Variants in CEP126 observed in about 807,000 individuals in gnomAD.
CEP126 encodes the protein centrosomal protein 126, also known as centrosomal protein of 126 kDa.
In CEP126, 74 loss-of-function variants were observed where a neutral mutation model predicts 107.8. The ratio of observed to expected loss-of-function variants is 0.69; its 90% CI spans 0.57 to 0.83. CEP126 has a LOEUF of 0.83. Ranked by LOEUF, CEP126 falls within the 40% of genes least tolerant of loss-of-function variation. The pLI is 0.00. For synonymous variants in CEP126, 449 were observed against 446.0 expected, an observed-to-expected ratio of 1.01 and a Z score of -0.08; for missense variants, 1,237 against 1,281.9, an observed-to-expected ratio of 0.96 and a Z score of 0.53.
chr11:101,946,047 T>G (rs962727093), intron 3 of CEP126, among the ~76,000 whole-genome samples: 1 of 152,146 alleles, frequency 6.6e-6, no homozygotes, highest in African/African-American at 2.4e-5. Flanking sequence ...AGGATACTAT[T>G]TAAATAATTA....
chr11:101,995,218 G>A (rs1338599038), intron 10 of CEP126, among the ~76,000 whole-genome samples: 2 of 152,024 alleles, frequency 1.3e-5, no homozygotes, highest in African/African-American at 2.4e-5. Context: ...TCAAACTTTA[G>A]TGTACTTTGT....
At chr11:101,979,976 G>C (rs1448948698) in intron 7 of CEP126, among the ~76,000 whole-genome samples, 1 of 152,010 alleles carries the variant, frequency 6.6e-6, no homozygotes, top group Non-Finnish European at 1.5e-5. Flanking sequence ...AATGCCTTAT[G>C]AAGAATTTAT....
At chr11:101,920,096 T>G (rs1311535582) in intron 1 of CEP126, among the ~76,000 whole-genome samples, 1 of 152,206 alleles carries the variant, frequency 6.6e-6, no homozygotes, top group African/African-American at 2.4e-5. Flanking sequence ...GTTTGGGTCT[T>G]TGTCTTGAAG....
intron 2 of CEP126, among the ~76,000 whole-genome samples, chr11:101,928,438 T>C (rs1345631317): frequency 2.0e-5 from 3 of 152,232 alleles, no homozygotes; most frequent in Non-Finnish European, 4.4e-5. Flanking sequence ...ACTCTTTGCG[T>C]AGCCCTAGGT....
intron 2 of CEP126, among the ~76,000 whole-genome samples, chr11:101,934,443 T>TAGTA (rs1270929483): frequency 1.3e-5 from 2 of 152,054 alleles, no homozygotes; most frequent in Non-Finnish European, 2.9e-5. Flanking sequence ...CCACTTCCTC[T>TAGTA]AGTACCCTGA....
chr11:101,966,750 A>T (rs1941061307), intron 6 of CEP126, among the ~76,000 whole-genome samples: 2 of 152,124 alleles, frequency 1.3e-5, no homozygotes, highest in Non-Finnish European at 2.9e-5. Flanking sequence ...CCTCATCAAC[A>T]TTCATAACTC....
At chr11:101,950,743 A>G (rs1940800959) in intron 4 of CEP126, among the ~76,000 whole-genome samples, 1 of 152,222 alleles carries the variant, frequency 6.6e-6, no homozygotes, top group South Asian at 2.1e-4. Flanking sequence ...GAACTTATTC[A>G]GAGTGTCGGG....
chr11:101,931,453 A>G (rs934848886), intron 2 of CEP126, among the ~76,000 whole-genome samples: 3 of 152,190 alleles, frequency 2.0e-5, no homozygotes. Flanking sequence ...ACAGGCAATG[A>G]AAACTCACAG....
At chr11:101,947,480 A>G (rs1940753169) in intron 3 of CEP126, among the ~76,000 whole-genome samples, 1 of 152,116 alleles carries the variant, frequency 6.6e-6, no homozygotes, top group Non-Finnish European at 1.5e-5. Context: ...GGGTTATATT[A>G]AAGGTTGTGC....
At chr11:101,990,398 G>A (rs1265878743) in intron 9 of CEP126, among the ~76,000 whole-genome samples, 2 of 152,170 alleles carry the variant, frequency 1.3e-5, no homozygotes, top group Non-Finnish European at 2.9e-5. Context: ...TGCTCTCAAG[G>A]CACAGGTGAA....
chr11:101,962,484 A>G lies in CEP126; in HGVS notation c.1449A>G (p.Lys483=). 1 of 1,613,182 alleles carries G rather than the reference A, an allele frequency of 6.2e-7. No homozygotes were observed. The highest frequency in any genetic ancestry group is 1.1e-5 in the South Asian group (1 of 90,838). The change falls in exon 6 of 11, where the codon AAA becomes AAG. Residue 483 remains lysine (K), a synonymous_variant. Transcript: ENST00000263468. ...CAGCAAAGAACAGTATACACATAAA[A>G]GAAATTGATGCAGTGCAGTGTTCTG... ...RPSAKNSIHI[K]EIDAVQCSDK... is the part of the protein sequence containing the mutation.
intron 6 of CEP126, among the ~76,000 whole-genome samples, chr11:101,969,036 T>C (rs1941093026): frequency 6.6e-6 from 1 of 152,150 alleles, no homozygotes; most frequent in Non-Finnish European, 1.5e-5. Context: ...TTTATTTTAT[T>C]TTAAGACAGG....
intron 4 of CEP126, chr11:101,956,174 A>G (rs753353257): frequency 2.2e-6 from 1 of 456,476 alleles, no homozygotes; most frequent in South Asian, 1.5e-5. Flanking sequence ...GTTATTTTAC[A>G]AAACTTTCAG....
chr11:101,978,505 G>C, intron 7 of CEP126, 46 bp downstream of exon 7: 2 of 1,303,778 alleles, frequency 1.5e-6, no homozygotes, highest in Non-Finnish European at 2.2e-6. Context: ...TTTAAAAATT[G>C]CTTGGAAAAC....
intron 4 of CEP126, chr11:101,956,532 T>G: frequency 2.2e-6 from 1 of 456,584 alleles, no homozygotes; most frequent in South Asian, 1.5e-5. Context: ...TCTTCTTCTT[T>G]GCCTTCATCT....
chr11:101,997,586 T>C lies in CEP126; in HGVS notation c.3310-13T>C. On this transcript the variant is annotated splice_polypyrimidine_tract_variant and intron_variant, in intron 10 of 10. Coordinates refer to ENST00000263468, the MANE Select transcript of CEP126 (RefSeq NM_020802.4). ...ATGTGTTTGCATGCTTGTTTCTTCT[T>C]TCTGATTTCCAGGAGAAGAGAGAAG... The C allele has an allele frequency of 6.2e-7, 1 of 1,614,000 alleles. No individual in the cohort carries two copies. Among genetic ancestry groups the C allele is most frequent in the Non-Finnish European group, 8.5e-7 (1 of 1,179,978 alleles).
At chr11:101,993,265 G>A (rs533351808) in intron 10 of CEP126, among the ~76,000 whole-genome samples, 1 of 152,244 alleles carries the variant, frequency 6.6e-6, no homozygotes, top group South Asian at 2.1e-4. Context: ...TTGTGTTCAT[G>A]TGTACTCAAT....
chr11:101,998,638 GT>G lies in CEP126; in HGVS notation c.*999del, dbSNP rs1941471995. Reference sequence around the variant, plus strand: ...GATGAATCAAAATTAGAAATTAAGAGTTTTAAGAAAACATGTGGCCTTTTAT... The same window carrying G: ...GATGAATCAAAATTAGAAATTAAGAGTTTAAGAAAACATGTGGCCTTTTAT... On this transcript the variant is annotated 3_prime_UTR_variant, in exon 11 of 11. Transcript: ENST00000263468. The G allele has an allele frequency of 7.6e-6, 1 of 131,162 alleles. No homozygotes were observed. Among genetic ancestry groups the G allele is most frequent in the Admixed American group, 7.8e-5 (1 of 12,816 alleles). 8.1% of individuals were successfully genotyped at this position (131,162 alleles called of 1,614,324 possible).
chr11:101,929,399 C>T (rs1396217886), intron 2 of CEP126, among the ~76,000 whole-genome samples: 3 of 152,174 alleles, frequency 2.0e-5, no homozygotes, highest in Non-Finnish European at 2.9e-5. Flanking sequence ...AAGGATGCAG[C>T]CTCATTACAG....
Sources: gnomAD v4.1 joint callset for allele counts (sites outside exome capture counted in the v4.1 genomes callset) on GRCh38, gnomAD v4.1.1 for gene constraint, MANE v1.5 for transcripts, NCBI Gene and HGNC (gene_info 2026-07-23, HGNC 2026-07-21) for gene names.